Variants in TMEM167A observed in about 807,000 individuals in gnomAD.
TMEM167A encodes the protein transmembrane protein 167A.
A neutral mutation model predicts 11.6 loss-of-function variants in TMEM167A; 8 were observed. The observed-to-expected ratio is 0.69, with a 90% CI of 0.40 to 1.24. The LOEUF (loss-of-function observed/expected upper bound fraction) is 1.24, where lower values mean the gene tolerates loss of function less well. TMEM167A is among the 50% of genes most tolerant of loss of function. The pLI is 0.01. For missense variants in TMEM167A, 62 were observed against 87.0 expected, an observed-to-expected ratio of 0.71 and a Z score of 1.14; for synonymous variants, 22 against 28.0, an observed-to-expected ratio of 0.79 and a Z score of 0.67.
At position 83,055,293 on chromosome 5, in the gene TMEM167A, A is replaced by C. The variant is rs1186778931; in HGVS notation, c.*1791T>G. The C allele has an allele frequency of 6.6e-6, 1 of 152,036 alleles. No homozygotes were observed. Among genetic ancestry groups the C allele is most frequent in the Non-Finnish European group, 1.5e-5 (1 of 67,958 alleles). The allele number at this position is 152,036 out of a possible 1,614,324, so 9.4% of individuals were successfully genotyped here. A position where few individuals can be genotyped will look rare whatever the true frequency, so the allele number is the denominator to read the frequency against. On this transcript the variant is annotated 3_prime_UTR_variant, in exon 4 of 4. Coordinates refer to ENST00000502346, the MANE Select transcript of TMEM167A (RefSeq NM_174909.5). ...CCTCTTTTCATATTCGATTTGTCTT[A>C]GCATATAAAAAATTAGTTGACATGG...
chr5:83,060,479 G>C (rs1300944917), intron 3 of TMEM167A, among the ~76,000 whole-genome samples: 1 of 151,038 alleles, frequency 6.6e-6, no homozygotes, highest in Non-Finnish European at 1.5e-5. Context: ...CAAATGTCTG[G>C]AGTCTTTTTT....
chr5:83,072,270 TG>T (rs995213268), intron 1 of TMEM167A, among the ~76,000 whole-genome samples: 6 of 151,480 alleles, frequency 4.0e-5, no homozygotes, highest in African/African-American at 1.5e-4. Flanking sequence ...AATGGTAGAG[TG>T]AAAAAAAATT....
chr5:83,069,794 A>C (rs1236383874), intron 1 of TMEM167A, among the ~76,000 whole-genome samples: 3 of 152,212 alleles, frequency 2.0e-5, no homozygotes, highest in Non-Finnish European at 4.4e-5. Flanking sequence ...GAAGTCACTG[A>C]AAAGTGTCAA....
At chr5:83,064,235 T>C (rs1744447299) in intron 2 of TMEM167A, 1 of 518,490 alleles carries the variant, frequency 1.9e-6, no homozygotes, top group African/African-American at 1.9e-5. Context: ...CCACTCAACC[T>C]TTACTAGAAG....
At chr5:83,063,904 A>C (rs1045532504) in intron 2 of TMEM167A, among the ~76,000 whole-genome samples, 2 of 132,644 alleles carry the variant, frequency 1.5e-5, no homozygotes, top group African/African-American at 2.5e-5. Context: ...AAGTTATTTT[A>C]AACAGTGAAG....
At chr5:83,071,502 G>A (rs1383416589) in intron 1 of TMEM167A, 1 of 152,160 alleles carries the variant, frequency 6.6e-6, no homozygotes, top group African/African-American at 2.4e-5. Context: ...TCTAGGTCAG[G>A]TCAGCATTTT....
At chr5:83,074,654 A>G (rs918970814) in intron 1 of TMEM167A, among the ~76,000 whole-genome samples, 6 of 152,228 alleles carry the variant, frequency 3.9e-5, no homozygotes, top group African/African-American at 1.4e-4. Flanking sequence ...TGCTCTCTCT[A>G]CTACATGTGT....
chr5:83,070,238 G>A (rs1744540665), intron 1 of TMEM167A, among the ~76,000 whole-genome samples: 1 of 152,086 alleles, frequency 6.6e-6, no homozygotes, highest in East Asian at 1.9e-4. Context: ...AGATCTGTAC[G>A]ACTGAGTACG....
rs571841033 is a variant in TMEM167A at position 83,065,019 on chromosome 5, T to G, written c.102A>C (p.Arg34Ser). Residue 34 changes from arginine to serine, a missense_variant, in exon 2 of 4, where the codon AGA becomes AGC. Physicochemically the swap from Arg to Ser is moderately radical, Grantham distance 110 (BLOSUM62 -1). Transcript: ENST00000502346. The stretch of plus-strand genomic sequence containing the variant: ...CATTAGTAACATACCCAGTTTTATT[T>G]CTGTCCAGGAGGCTGGGTGCCAAGG... ...IRSLAPSLLD[R>S]NKTGLLGIFW... 9.4e-6 allele frequency: 15 copies of G among 1,599,814 alleles called. No homozygotes were observed. In the South Asian group the frequency reaches 1.6e-4, roughly 17 times the overall value.
intron 1 of TMEM167A, among the ~76,000 whole-genome samples, chr5:83,073,748 C>G (rs982147595): frequency 6.6e-6 from 1 of 152,202 alleles, no homozygotes; most frequent in African/African-American, 2.4e-5. Flanking sequence ...AGACAACGTG[C>G]AATTGGGAAT....
At position 83,055,436 on chromosome 5, in the gene TMEM167A, C is replaced by T. The variant is rs906988052; in HGVS notation, c.*1648G>A. The stretch of plus-strand genomic sequence containing the variant: ...TGACAAGAATCCTATTTTTGAGAAA[C>T]CCTAAAAATCCTTGACCTGATGTAA... On this transcript the variant is annotated 3_prime_UTR_variant, in exon 4 of 4. Transcript: ENST00000502346. 22 of 151,874 alleles carry T rather than the reference C, an allele frequency of 1.4e-4. No individual in the cohort carries two copies. Among genetic ancestry groups the T allele is most frequent in the African/African-American group, 5.3e-4 (22 of 41,462 alleles). 9.4% of individuals were successfully genotyped at this position (151,874 alleles called of 1,614,324 possible).
intron 1 of TMEM167A, among the ~76,000 whole-genome samples, chr5:83,076,776 C>T (rs1561307325): frequency 6.6e-6 from 1 of 152,222 alleles, no homozygotes; most frequent in Non-Finnish European, 1.5e-5. Flanking sequence ...AAGGGCAATC[C>T]ACCTTTGCAG....
At chr5:83,076,865 G>A (rs556529649) in intron 1 of TMEM167A, among the ~76,000 whole-genome samples, 2 of 152,352 alleles carry the variant, frequency 1.3e-5, no homozygotes, top group African/African-American at 4.8e-5. Context: ...AGGGTCTTGA[G>A]AGGCTACTGA....
intron 1 of TMEM167A, among the ~76,000 whole-genome samples, chr5:83,075,330 G>C (rs570541601): frequency 1.2e-3 from 190 of 152,258 alleles, no homozygotes; most frequent in African/African-American, 4.4e-3. Context: ...GTTAGGTGTT[G>C]GGGGGAACAA....
At chr5:83,072,465 A>G (rs1744576183) in intron 1 of TMEM167A, among the ~76,000 whole-genome samples, 1 of 152,200 alleles carries the variant, frequency 6.6e-6, no homozygotes, top group Non-Finnish European at 1.5e-5. Flanking sequence ...TTGGAGCTTA[A>G]AAAGCCATCA....
intron 3 of TMEM167A, among the ~76,000 whole-genome samples, chr5:83,061,422 T>G (rs183184597): frequency 2.5e-3 from 324 of 128,420 alleles, no homozygotes; most frequent in African/African-American, 7.7e-3. Context: ...ATTCTTTTTT[T>G]ATTTTGAGAC....
chr5:83,058,069 G>A (rs1744357288), intron 3 of TMEM167A, among the ~76,000 whole-genome samples: 1 of 152,056 alleles, frequency 6.6e-6, no homozygotes, highest in South Asian at 2.1e-4. Flanking sequence ...AGTAGAGATG[G>A]TTTACACTAC....
At chr5:83,072,962 T>G (rs79246258) in intron 1 of TMEM167A, among the ~76,000 whole-genome samples, 1 of 152,194 alleles carries the variant, frequency 6.6e-6, no homozygotes, top group African/African-American at 2.4e-5. Flanking sequence ...GCCATTTTCA[T>G]GGATGATGCA....
chr5:83,058,793 G>T (rs567911814), intron 3 of TMEM167A, among the ~76,000 whole-genome samples: 2 of 152,066 alleles, frequency 1.3e-5, no homozygotes, highest in African/African-American at 4.8e-5. Flanking sequence ...TTTCTTAAAA[G>T]AGACTGCCAT....
Sources: allele counts gnomAD v4.1 joint callset (sites outside exome capture counted in the v4.1 genomes callset), GRCh38; gene constraint gnomAD v4.1.1; transcripts MANE v1.5; gene names NCBI Gene and HGNC (gene_info 2026-07-23, HGNC 2026-07-21).